SBF2: variants seen among roughly 807,000 people sequenced by gnomAD.
SBF2 encodes the protein SET binding factor 2, also known as myotubularin-related protein 13.
Under a neutral mutation model 225.2 loss-of-function variants are expected in SBF2, and 112 were observed. The observed-to-expected ratio is 0.50, with a 90% CI of 0.43 to 0.58. The LOEUF (loss-of-function observed/expected upper bound fraction) is 0.58, where lower values mean the gene tolerates loss of function less well. Ranked by LOEUF, SBF2 falls within the 20% of genes least tolerant of loss-of-function variation. SBF2 has a pLI of 0.00. For synonymous variants in SBF2, 763 were observed against 773.3 expected, an observed-to-expected ratio of 0.99 and a Z score of 0.22; for missense variants, 1,996 against 2,206.2, an observed-to-expected ratio of 0.90 and a Z score of 1.91.
chr11:10,246,313 T>C (rs1653473669), intron 1 of SBF2, among the ~76,000 whole-genome samples: 1 of 152,222 alleles, frequency 6.6e-6, no homozygotes, highest in Non-Finnish European at 1.5e-5. Flanking sequence ...AGACTGAGTT[T>C]CACTCTTGTC....
intron 1 of SBF2, among the ~76,000 whole-genome samples, chr11:10,277,336 A>C (rs1170896724): frequency 6.6e-6 from 1 of 152,184 alleles, no homozygotes; most frequent in African/African-American, 2.4e-5. Flanking sequence ...TTTTCAATGA[A>C]GTATTTAGAG....
chr11:10,083,932 G>A (rs1031197074), intron 2 of SBF2, among the ~76,000 whole-genome samples: 3 of 152,116 alleles, frequency 2.0e-5, no homozygotes, highest in Non-Finnish European at 4.4e-5. Context: ...TTGAGGCCAC[G>A]AGTTCAAGAC....
chr11:10,269,996 A>G (rs540304710), intron 1 of SBF2, among the ~76,000 whole-genome samples: 2 of 152,324 alleles, frequency 1.3e-5, no homozygotes, highest in South Asian at 4.1e-4. Context: ...GAAATTAAAA[A>G]TCAATGCAAA....
Position 9,992,555 on chromosome 11 carries a change from G to A in SBF2, c.1168-12C>T. The A allele has an allele frequency of 6.2e-7, 1 of 1,606,972 alleles. No individual in the cohort carries two copies. The highest frequency in any genetic ancestry group is 1.1e-5 in the South Asian group (1 of 89,544). On this transcript the variant is annotated splice_polypyrimidine_tract_variant and intron_variant, in intron 11 of 39. Coordinates refer to ENST00000256190, the MANE Select transcript of SBF2 (RefSeq NM_030962.4). ...CCCAAGAATGCTGTCTGTGAAAAAA[G>A]AAAATGTGAAATAATAATTTATCAC...
At chr11:10,009,611 A>G (rs1158045487) in intron 6 of SBF2, among the ~76,000 whole-genome samples, 3 of 152,226 alleles carry the variant, frequency 2.0e-5, no homozygotes, top group Non-Finnish European at 4.4e-5. Flanking sequence ...ATAGCTGCAT[A>G]GTATTCCATG....
At chr11:9,970,440 C>T (rs1368318585) in intron 13 of SBF2, among the ~76,000 whole-genome samples, 6 of 152,032 alleles carry the variant, frequency 3.9e-5, no homozygotes, top group Non-Finnish European at 7.4e-5. Flanking sequence ...TTCCTGACCT[C>T]GTGATCCACC....
intron 2 of SBF2, among the ~76,000 whole-genome samples, chr11:10,071,617 A>C (rs946748193): frequency 2.0e-5 from 3 of 152,054 alleles, no homozygotes; most frequent in Non-Finnish European, 4.4e-5. Context: ...ATTCAGTATG[A>C]TATTGGCTGT....
rs2134294031 is a variant in SBF2 at position 9,941,374 on chromosome 11, G to A, written c.1860+20583C>T. Among the ~76,000 whole-genome samples the A allele has an allele frequency of 2.0e-5, 3 of 152,174 alleles. 1 individual carries two copies. In the Middle Eastern group the frequency reaches 0.01, roughly 518 times the overall value. Reference sequence around the variant, plus strand: ...ATCCCAAAGAAAACATTAGGTTAAGGTGGCTTTACTGGTGAGTTTTAACAA... The same window carrying A: ...ATCCCAAAGAAAACATTAGGTTAAGATGGCTTTACTGGTGAGTTTTAACAA... On this transcript the variant is annotated intron_variant, in intron 16 of 39. Coordinates refer to ENST00000256190, the MANE Select transcript of SBF2 (RefSeq NM_030962.4).
At chr11:9,825,073 G>C (rs1172119164) in intron 28 of SBF2, among the ~76,000 whole-genome samples, 1 of 152,118 alleles carries the variant, frequency 6.6e-6, no homozygotes, top group Non-Finnish European at 1.5e-5. Flanking sequence ...GGGTTGAAAT[G>C]TGTCCCCCTC....
At chr11:9,965,968 C>T (rs1326698071) in intron 14 of SBF2, among the ~76,000 whole-genome samples, 1 of 152,136 alleles carries the variant, frequency 6.6e-6, no homozygotes, top group African/African-American at 2.4e-5. Flanking sequence ...ATTAATAACA[C>T]ACTTTATTGA....
At chr11:10,211,773 C>G (rs754853222) in intron 1 of SBF2, among the ~76,000 whole-genome samples, 23 of 152,142 alleles carry the variant, frequency 1.5e-4, no homozygotes, top group Admixed American at 2.6e-4. Flanking sequence ...CTGGGTATTT[C>G]TGATGTTCTC....
intron 16 of SBF2, among the ~76,000 whole-genome samples, chr11:9,902,818 G>C (rs1041051070): frequency 6.6e-6 from 1 of 152,144 alleles, no homozygotes; most frequent in Non-Finnish European, 1.5e-5. Context: ...CTTTCTAAGG[G>C]AGTGGATTGG....
intron 6 of SBF2, among the ~76,000 whole-genome samples, chr11:10,015,896 G>A (rs532362998): frequency 3.3e-5 from 5 of 151,968 alleles, no homozygotes; most frequent in East Asian, 3.9e-4. Context: ...TCTGCCTCCC[G>A]GGTTCAGCAA....
At position 9,785,164 on chromosome 11, in the gene SBF2, G is replaced by A. The variant is rs142041264; in HGVS notation, c.5192C>T (p.Thr1731Met). The A allele has an allele frequency of 9.9e-6, 16 of 1,613,640 alleles. No homozygotes were observed. Among genetic ancestry groups the A allele is most frequent in the African/African-American group, 9.3e-5 (7 of 74,922 alleles). The change falls in exon 37 of 40, where the codon ACG becomes ATG. Residue 1731 changes from threonine to methionine, a missense_variant. Transcript: ENST00000256190. ...PSNGVERRAATLYSQYTSKND... is the reference protein window; with the variant it reads ...PSNGVERRAAMLYSQYTSKND... ...CTTGGATGTATACTGGCTATAGAGCGTGGCTGCTCTTCGCTCCACTCCATT... is the reference window on the plus strand; with the variant it reads ...CTTGGATGTATACTGGCTATAGAGCATGGCTGCTCTTCGCTCCACTCCATT...
intron 16 of SBF2, among the ~76,000 whole-genome samples, chr11:9,896,560 G>A (rs1453961154): frequency 6.6e-6 from 1 of 152,148 alleles, no homozygotes; most frequent in Non-Finnish European, 1.5e-5. Context: ...GGGAGGCTGA[G>A]GCGGGCAGAT....
chr11:10,264,348 T>C (rs1386454954), intron 1 of SBF2, among the ~76,000 whole-genome samples: 1 of 152,164 alleles, frequency 6.6e-6, no homozygotes, highest in African/African-American at 2.4e-5. Flanking sequence ...ATCTCACCTA[T>C]GTATACTAAA....
In SBF2 at chr11:9,794,729, A is replaced by AATT. The variant is rs529765820; in HGVS notation, c.4570+1101_4570+1102insAAT. 8.6e-5 allele frequency among the ~76,000 whole-genome samples: 12 copies of AATT among 139,826 alleles called. No homozygotes were observed. The South Asian group carries it at 2.8e-3, about 33-fold the overall frequency. The allele number at this position is 139,826 out of a possible 152,430, so 91.7% of individuals were successfully genotyped here. A position where few individuals can be genotyped will look rare whatever the true frequency, so the allele number is the denominator to read the frequency against. ...AAAAGACCAGGCCTGGGGCAGTTGTAACCAGTTATACTTACTACCTTCCCA... is the reference window on the plus strand; with the variant it reads ...AAAAGACCAGGCCTGGGGCAGTTGTAATTACCAGTTATACTTACTACCTTCCCA... On this transcript the variant is annotated intron_variant, in intron 33 of 39. Transcript: ENST00000256190.
At chr11:10,271,157 G>T (rs1443002253) in intron 1 of SBF2, among the ~76,000 whole-genome samples, 2 of 151,802 alleles carry the variant, frequency 1.3e-5, no homozygotes, top group Non-Finnish European at 2.9e-5. Flanking sequence ...GAATAACAAG[G>T]GAGTAGCAAT....
intron 28 of SBF2, among the ~76,000 whole-genome samples, chr11:9,822,691 C>T (rs1854838330): frequency 6.6e-6 from 1 of 152,152 alleles, no homozygotes; most frequent in Non-Finnish European, 1.5e-5. Flanking sequence ...CGTTACTGTT[C>T]AGAGAACTAG....
Sources: gnomAD v4.1 joint callset for allele counts (sites outside exome capture counted in the v4.1 genomes callset) on GRCh38, gnomAD v4.1.1 for gene constraint, MANE v1.5 for transcripts, NCBI Gene and HGNC (gene_info 2026-07-23, HGNC 2026-07-21) for gene names.